Variants in FHIP1A observed in about 807,000 individuals in gnomAD.
FHIP1A encodes the protein FHF complex subunit HOOK interacting protein 1A.
FHIP1A carries 61 observed loss-of-function variants against 88.6 expected under a neutral mutation model. The ratio of observed to expected loss-of-function variants is 0.69; its 90% CI spans 0.56 to 0.85. The LOEUF is 0.85. Ranked by LOEUF, FHIP1A falls within the 40% of genes least tolerant of loss-of-function variation. The pLI, the probability that FHIP1A is intolerant of heterozygous loss-of-function variation, is 0.00. For missense variants in FHIP1A, 1,154 were observed against 1,273.5 expected, an observed-to-expected ratio of 0.91 and a Z score of 1.43; for synonymous variants, 478 against 496.0, an observed-to-expected ratio of 0.96 and a Z score of 0.48.
chr4:151,629,973 TTTTTC>T, intron 8 of FHIP1A, 104 bp downstream of exon 8: 6 of 958,916 alleles, frequency 6.3e-6, no homozygotes, highest in Non-Finnish European at 7.6e-6. Context: ...CTCTCCTTTT[TTTTTC>T]TTTTTCTTTT....
At chr4:151,426,380 A>G (rs979900538) in intron 1 of FHIP1A, among the ~76,000 whole-genome samples, 4 of 152,180 alleles carry the variant, frequency 2.6e-5, no homozygotes, top group African/African-American at 7.2e-5. Context: ...ATTAGGTATG[A>G]GACTGCAGAT....
chr4:151,650,679 G>A, intron 11 of FHIP1A, 87 bp downstream of exon 11: 1 of 1,444,868 alleles, frequency 6.9e-7, no homozygotes, highest in Non-Finnish European at 9.1e-7. Flanking sequence ...AAAAGGTAAG[G>A]GATATTATCG....
At chr4:151,449,174 A>G (rs77810877) in intron 1 of FHIP1A, among the ~76,000 whole-genome samples, 1 of 152,280 alleles carries the variant, frequency 6.6e-6, no homozygotes, top group Non-Finnish European at 1.5e-5. Context: ...TGATTGCATA[A>G]CTAACTGAAT....
intron 3 of FHIP1A, among the ~76,000 whole-genome samples, chr4:151,560,869 AT>A (rs1041929197): frequency 6.6e-6 from 1 of 151,988 alleles, no homozygotes; most frequent in Non-Finnish European, 1.5e-5. Context: ...TCTTCTTTAA[AT>A]TTTTTTTAAT....
chr4:151,616,236 G>A (rs137959828), intron 7 of FHIP1A, among the ~76,000 whole-genome samples: 2 of 152,136 alleles, frequency 1.3e-5, no homozygotes, highest in African/African-American at 2.4e-5. Context: ...CATCTGAGTT[G>A]TGACAAGTTG....
chr4:151,606,235 C>G (rs145562214), intron 7 of FHIP1A, among the ~76,000 whole-genome samples: 1 of 152,306 alleles, frequency 6.6e-6, no homozygotes, highest in Non-Finnish European at 1.5e-5. Context: ...TACTTGTTCT[C>G]TGGCAGACTT....
At chr4:151,435,439 A>C (rs557671653) in intron 1 of FHIP1A, among the ~76,000 whole-genome samples, 1 of 152,252 alleles carries the variant, frequency 6.6e-6, no homozygotes, top group South Asian at 2.1e-4. Context: ...TGATGACTGG[A>C]TTTGCCCTAT....
intron 1 of FHIP1A, among the ~76,000 whole-genome samples, chr4:151,423,532 C>T (rs1351600281): frequency 1.3e-5 from 2 of 152,132 alleles, no homozygotes; most frequent in Non-Finnish European, 2.9e-5. Context: ...AATATGTGAC[C>T]TTGCACAAGT....
chr4:151,526,995 C>T lies in FHIP1A; in HGVS notation c.-122-39143C>T, dbSNP rs539516672. On this transcript the variant is annotated intron_variant, in intron 3 of 13. Transcript: ENST00000435205. ...GCTGGGAAGAGGTGCTCCTCACTTC[C>T]TAGATGGGATGGCGGCCGGGCAGAG... Among the ~76,000 whole-genome samples, 4 of 151,010 alleles carry T rather than the reference C, an allele frequency of 2.6e-5. No homozygotes were observed. The East Asian group carries it at 5.9e-4, about 22-fold the overall frequency.
At chr4:151,516,712 T>C (rs1472662584) in intron 3 of FHIP1A, among the ~76,000 whole-genome samples, 2 of 152,116 alleles carry the variant, frequency 1.3e-5, no homozygotes, top group South Asian at 2.1e-4. Context: ...TGCTCACCAT[T>C]ACTGGCTATC....
In FHIP1A at chr4:151,518,241, A is replaced by G. The variant is rs919927026; in HGVS notation, c.-123+35593A>G. Among the ~76,000 whole-genome samples, 3 of 152,260 alleles carry G rather than the reference A, an allele frequency of 2.0e-5. No homozygotes were observed. The East Asian group carries it at 5.8e-4, about 29-fold the overall frequency. On this transcript the variant is annotated intron_variant, in intron 3 of 13. Transcript: ENST00000435205. The stretch of plus-strand genomic sequence containing the variant: ...TTTAGATACACAAATATTTACCATC[A>G]TGTTACAGTTGCCTGCAATATTCAT...
At chr4:151,410,401 C>T (rs545933905) in intron 1 of FHIP1A, among the ~76,000 whole-genome samples, 131 of 152,296 alleles carry the variant, frequency 8.6e-4, no homozygotes, top group East Asian at 1.2e-3. Flanking sequence ...GGGCTTGCTC[C>T]CTTGGCTTCT....
chr4:151,599,692 G>A (rs1318826538), intron 7 of FHIP1A, among the ~76,000 whole-genome samples: 1 of 152,202 alleles, frequency 6.6e-6, no homozygotes, highest in Admixed American at 6.5e-5. Context: ...AGCAAATGTG[G>A]AGAAGATTCC....
chr4:151,552,643 G>T (rs570777738), intron 3 of FHIP1A, among the ~76,000 whole-genome samples: 1 of 152,168 alleles, frequency 6.6e-6, no homozygotes. Context: ...CTTGGACACA[G>T]GGTGGGGAAC....
In FHIP1A at chr4:151,629,806, G is replaced by A; in HGVS notation, c.1083G>A (p.Leu361=). The A allele has an allele frequency of 2.6e-6, 4 of 1,551,402 alleles. No individual in the cohort carries two copies. Among genetic ancestry groups the A allele is most frequent in the Non-Finnish European group, 3.5e-6 (4 of 1,146,836 alleles). ...LLEIFLRFIL[L]HQHENVHILD... ...AGATCTTCCTCCGTTTTATCCTATT[G>A]CACCAGCACGAGAATGTCCACATCC... The change falls in exon 8 of 14, where the codon TTG becomes TTA. Residue 361 remains leucine, a synonymous_variant. Coordinates refer to ENST00000435205, the MANE Select transcript of FHIP1A (RefSeq NM_001109977.3).
chr4:151,504,346 A>G (rs1222506073), intron 3 of FHIP1A, among the ~76,000 whole-genome samples: 1 of 152,216 alleles, frequency 6.6e-6, no homozygotes, highest in African/African-American at 2.4e-5. Flanking sequence ...GTTAGACTTA[A>G]CATGAGTATC....
intron 7 of FHIP1A, among the ~76,000 whole-genome samples, chr4:151,625,458 A>G (rs1489878545): frequency 6.6e-6 from 1 of 152,218 alleles, no homozygotes; most frequent in Non-Finnish European, 1.5e-5. Context: ...TTCAGGACAC[A>G]CATAAACCTG....
intron 3 of FHIP1A, among the ~76,000 whole-genome samples, chr4:151,501,991 A>G (rs954522940): frequency 1.3e-5 from 2 of 151,774 alleles, no homozygotes; most frequent in Non-Finnish European, 2.9e-5. Context: ...TAAATTATGT[A>G]TGCTGAGAGA....
At position 151,664,100 on chromosome 4, in the gene FHIP1A, CCA is replaced by C; in HGVS notation, c.*1347_*1348del. Among the ~76,000 whole-genome samples, 1 of 152,206 alleles carries C rather than the reference CCA, an allele frequency of 6.6e-6. No homozygotes were observed. Among genetic ancestry groups the C allele is most frequent in the South Asian group, 2.1e-4 (1 of 4,816 alleles). ...AATTCCACTCCCCTCTATTTTGGGC[CCA>C]GTTCTGCAGGTGCGAAGCAAGTAAC... On this transcript the variant is annotated 3_prime_UTR_variant, in exon 14 of 14. Coordinates refer to ENST00000435205, the MANE Select transcript of FHIP1A (RefSeq NM_001109977.3).
Sources: gnomAD v4.1 joint callset for allele counts (sites outside exome capture counted in the v4.1 genomes callset) on GRCh38, gnomAD v4.1.1 for gene constraint, MANE v1.5 for transcripts, NCBI Gene and HGNC (gene_info 2026-07-23, HGNC 2026-07-21) for gene names.